The following PSIP1 variants were observed in gnomAD, a reference collection of about 807,000 sequenced individuals.
PSIP1 encodes PC4 and SRSF1 interacting protein 1, also known as PC4 and SFRS1-interacting protein.
PSIP1 carries 19 observed loss-of-function variants against 74.7 expected under a neutral mutation model. The observed-to-expected ratio is 0.25, with a 90% confidence interval of 0.18 to 0.37. The LOEUF (loss-of-function observed/expected upper bound fraction) is 0.37. PSIP1 is among the 10% of genes least tolerant of loss of function. The probability of loss-of-function intolerance (pLI) is 1.00; values close to 1 mark genes in which losing one functional copy is unlikely to be tolerated. For synonymous variants in PSIP1, 222 were observed against 195.3 expected (o/e 1.14, Z -1.14); for missense variants, 601 against 614.3 (o/e 0.98, Z 0.23).
At chr9:15,478,008 G>A (rs1263099897) in intron 8 of PSIP1, among the ~76,000 whole-genome samples, 1 of 151,300 alleles carries the variant, frequency 6.6e-6, no homozygotes, top group Non-Finnish European at 1.5e-5. Flanking sequence ...CACACCTGTG[G>A]TCCCAGCTAC....
In PSIP1 at chr9:15,465,251, A is replaced by G. The variant is rs542288550; in HGVS notation, c.*269T>C. 7 of 380,748 alleles carry G rather than the reference A, an allele frequency of 1.8e-5. No homozygotes were observed. The highest frequency in any genetic ancestry group is 9.2e-5 in the Admixed American group (2 of 21,722). The allele number at this position is 380,748 out of a possible 1,614,324, so 23.6% of individuals were successfully genotyped here. Reference sequence around the variant, plus strand: ...ACATTAACATACACACACTAATTGAAAATATGCTACAACCATGTCTGGAAA... The same window carrying G: ...ACATTAACATACACACACTAATTGAGAATATGCTACAACCATGTCTGGAAA... On this transcript the variant is annotated 3_prime_UTR_variant, in exon 16 of 16. Transcript: ENST00000380733.
At chr9:15,487,965 T>C (rs1393378483) in intron 4 of PSIP1, among the ~76,000 whole-genome samples, 2 of 152,214 alleles carry the variant, frequency 1.3e-5, no homozygotes, top group Non-Finnish European at 2.9e-5. Context: ...ATGTTCCAGA[T>C]AGAACAGTAT....
At chr9:15,489,895 A>C in intron 4 of PSIP1, 91 bp downstream of exon 4, 1 of 1,109,640 alleles carries the variant, frequency 9.0e-7, no homozygotes, top group Non-Finnish European at 1.2e-6. Flanking sequence ...GAAATTCCCA[A>C]GGCTTTTAGT....
At chr9:15,482,214 C>A (rs986329727) in intron 6 of PSIP1, among the ~76,000 whole-genome samples, 1 of 152,088 alleles carries the variant, frequency 6.6e-6, no homozygotes, top group Non-Finnish European at 1.5e-5. Flanking sequence ...ATCTGTCCCA[C>A]AAATCCTCAA....
chr9:15,503,495 AAATAAT>A (rs201995684), intron 3 of PSIP1, among the ~76,000 whole-genome samples: 2 of 151,892 alleles, frequency 1.3e-5, no homozygotes, highest in African/African-American at 2.4e-5. Flanking sequence ...CATCTCTAAA[AAATAAT>A]AATAATAATA....
At chr9:15,498,363 A>T (rs1206269497) in intron 3 of PSIP1, among the ~76,000 whole-genome samples, 1 of 152,116 alleles carries the variant, frequency 6.6e-6, no homozygotes, top group Admixed American at 6.6e-5. Flanking sequence ...TTGCAGTGAG[A>T]CAAGATCGTG....
At chr9:15,482,370 C>T (rs906944469) in intron 6 of PSIP1, among the ~76,000 whole-genome samples, 4 of 152,160 alleles carry the variant, frequency 2.6e-5, no homozygotes, top group African/African-American at 9.7e-5. Context: ...TCTGATCAGG[C>T]CTCCTCCTCC....
intron 6 of PSIP1, among the ~76,000 whole-genome samples, chr9:15,480,973 G>A (rs1024266079): frequency 3.9e-5 from 6 of 152,140 alleles, no homozygotes; most frequent in Non-Finnish European, 8.8e-5. Flanking sequence ...TTCTACGAAT[G>A]TATCCATTTC....
chr9:15,480,370 TAGAATTC>T (rs2036284715), intron 6 of PSIP1, among the ~76,000 whole-genome samples: 1 of 152,188 alleles, frequency 6.6e-6, no homozygotes, highest in African/African-American at 2.4e-5. Context: ...CCCAACTATT[TAGAATTC>T]AGCATTAACT....
intron 3 of PSIP1, among the ~76,000 whole-genome samples, chr9:15,491,186 G>C (rs1034434365): frequency 6.6e-6 from 1 of 152,128 alleles, no homozygotes; most frequent in African/African-American, 2.4e-5. Context: ...CGCTTTCTCT[G>C]TAAAGCACAT....
At chr9:15,494,148 A>G (rs1586839023) in intron 3 of PSIP1, among the ~76,000 whole-genome samples, 1 of 152,236 alleles carries the variant, frequency 6.6e-6, no homozygotes, top group East Asian at 1.9e-4. Context: ...CATTAGATAC[A>G]TATCATAAAT....
At chr9:15,465,874 CT>C (rs1299006979) in intron 15 of PSIP1, 2 of 296,018 alleles carry the variant, frequency 6.8e-6, no homozygotes, top group Non-Finnish European at 1.2e-5. Flanking sequence ...AGTGAATTCT[CT>C]TTAAAGAACA....
intron 3 of PSIP1, among the ~76,000 whole-genome samples, chr9:15,502,768 A>G (rs1169729693): frequency 1.3e-5 from 2 of 152,234 alleles, no homozygotes; most frequent in Non-Finnish European, 2.9e-5. Flanking sequence ...AATTGAGTCT[A>G]TGTCATTCCC....
At chr9:15,474,542 G>C (rs1469534502) in intron 8 of PSIP1, among the ~76,000 whole-genome samples, 3 of 152,164 alleles carry the variant, frequency 2.0e-5, no homozygotes, top group African/African-American at 7.2e-5. Context: ...AAATACGGTC[G>C]TTTTAGAACT....
chr9:15,480,284 C>A (rs910662107), intron 6 of PSIP1, among the ~76,000 whole-genome samples: 4 of 152,280 alleles, frequency 2.6e-5, no homozygotes, highest in Non-Finnish European at 5.9e-5. Flanking sequence ...CATGAGGCAG[C>A]AGTTGGTACT....
intron 3 of PSIP1, chr9:15,505,940 G>C (rs1026978174): frequency 6.6e-6 from 1 of 152,176 alleles, no homozygotes; most frequent in African/African-American, 2.4e-5. Flanking sequence ...AGATTATATA[G>C]TATTTCTAAG....
intron 3 of PSIP1, among the ~76,000 whole-genome samples, chr9:15,504,237 T>C (rs2037478998): frequency 6.6e-6 from 1 of 152,244 alleles, no homozygotes; most frequent in Non-Finnish European, 1.5e-5. Context: ...GAATATATCC[T>C]AAATTCTTGA....
chr9:15,471,428 T>G (rs2035825732), intron 10 of PSIP1: 2 of 1,455,744 alleles, frequency 1.4e-6, no homozygotes, highest in Non-Finnish European at 1.8e-6. Context: ...AAAGATAACT[T>G]TAAGATACTA....
In PSIP1 at chr9:15,489,596, G is replaced by A. The variant is rs1419490203; in HGVS notation, c.288+390C>T. ...GCACTCCAGCCTGGGCAACAAGAGCGAAACTACACCTCAAAAAAAAAAAAA... is the reference window on the plus strand; with the variant it reads ...GCACTCCAGCCTGGGCAACAAGAGCAAAACTACACCTCAAAAAAAAAAAAA... On this transcript the variant is annotated intron_variant, in intron 4 of 15. Transcript: ENST00000380733. 4.0e-4 allele frequency among the ~76,000 whole-genome samples: 29 copies of A among 72,280 alleles called. No homozygotes were observed. The Admixed American group carries it at 5.4e-3, about 13-fold the overall frequency. The allele number at this position is 72,280 out of a possible 152,430, so 47.4% of individuals were successfully genotyped here.
Sources: allele counts gnomAD v4.1 joint callset (sites outside exome capture counted in the v4.1 genomes callset), GRCh38; gene constraint gnomAD v4.1.1; transcripts MANE v1.5; gene names NCBI Gene and HGNC (gene_info 2026-07-23, HGNC 2026-07-21).